The following SLC1A2 variants were observed in gnomAD, a reference collection of about 807,000 sequenced individuals.
SLC1A2 encodes solute carrier family 1 member 2.
A neutral mutation model predicts 48.8 loss-of-function variants in SLC1A2; 15 were observed. That is an observed-to-expected ratio of 0.31 (90% CI 0.21 to 0.47). The LOEUF is 0.47. Among genes scored for constraint, SLC1A2 ranks in the 20% least tolerant of loss-of-function variants. The probability of loss-of-function intolerance (pLI) is 0.99; values close to 1 mark genes in which losing one functional copy is unlikely to be tolerated. For synonymous variants in SLC1A2, 279 were observed against 272.6 expected, an observed-to-expected ratio of 1.02 and a Z score of -0.23; for missense variants, 502 against 730.5, an observed-to-expected ratio of 0.69 and a Z score of 3.61.
intron 1 of SLC1A2, among the ~76,000 whole-genome samples, chr11:35,405,914 C>T (rs1316998933): frequency 6.6e-6 from 1 of 152,216 alleles, no homozygotes; most frequent in African/African-American, 2.4e-5. Flanking sequence ...GATCTGTTGC[C>T]TCCCACACCT....
At position 35,306,261 on chromosome 11, in the gene SLC1A2, A is replaced by G; in HGVS notation, c.562-19T>C. On this transcript the variant is annotated intron_variant, in intron 4 of 10. Coordinates refer to ENST00000278379, the MANE Select transcript of SLC1A2 (RefSeq NM_004171.4). Reference sequence around the variant, plus strand: ...TTTGAATCTAACAGAGTGAGGGAAAAAAGGCATAGAGCTGAGATTTGGCCT... The same window carrying G: ...TTTGAATCTAACAGAGTGAGGGAAAGAAGGCATAGAGCTGAGATTTGGCCT... The G allele has an allele frequency of 6.2e-7, 1 of 1,605,362 alleles. No homozygotes were observed. Among genetic ancestry groups the G allele is most frequent in the Non-Finnish European group, 8.5e-7 (1 of 1,173,556 alleles).
At chr11:35,406,485 G>A (rs1232296264) in intron 1 of SLC1A2, among the ~76,000 whole-genome samples, 5 of 152,210 alleles carry the variant, frequency 3.3e-5, no homozygotes, top group Non-Finnish European at 7.4e-5. Context: ...GAGGACCAAA[G>A]CATGCTCCAG....
At chr11:35,368,114 C>T (rs7104229) in intron 1 of SLC1A2, among the ~76,000 whole-genome samples, 41,557 of 152,112 alleles carry the variant, frequency 0.27, 5,758 homozygotes, top group African/African-American at 0.3. Context: ...ATAATTTTCT[C>T]ACCCCATGAT....
intron 1 of SLC1A2, among the ~76,000 whole-genome samples, chr11:35,409,778 GC>G: frequency 6.6e-6 from 1 of 152,178 alleles, no homozygotes; most frequent in South Asian, 2.1e-4. Context: ...GCATCGTGGT[GC>G]GTACCTGTAA....
Position 35,265,179 on chromosome 11 carries a change from G to A in SLC1A2, c.1653+348C>T, listed in dbSNP as rs542860702. 6.8e-4 allele frequency: 225 copies of A among 330,530 alleles called. 1 individual carries two copies. Among genetic ancestry groups the A allele is most frequent in the African/African-American group, 4.5e-3 (212 of 46,972 alleles). 20.5% of individuals were successfully genotyped at this position (330,530 alleles called of 1,614,324 possible). On this transcript the variant is annotated intron_variant, in intron 10 of 10. Coordinates refer to ENST00000278379, the MANE Select transcript of SLC1A2 (RefSeq NM_004171.4). ...AGGATGGTCTTGATCTCCTGACCTC[G>A]TGATCTGCCCGCCTCGGCCTAGTAA...
chr11:35,326,940 A>C (rs1024522307), intron 1 of SLC1A2, among the ~76,000 whole-genome samples: 1 of 152,206 alleles, frequency 6.6e-6, no homozygotes, highest in Non-Finnish European at 1.5e-5. Flanking sequence ...CCCCCAAAAT[A>C]GAATTGTCTG....
At chr11:35,324,752 A>G (rs1316287537) in intron 1 of SLC1A2, among the ~76,000 whole-genome samples, 1 of 152,242 alleles carries the variant, frequency 6.6e-6, no homozygotes, top group East Asian at 1.9e-4. Context: ...CAGGAGTACA[A>G]CCTTAAGGAT....
In SLC1A2 at chr11:35,306,173, C is replaced by T; in HGVS notation, c.631G>A (p.Val211Ile). The T allele has an allele frequency of 6.2e-7, 1 of 1,614,024 alleles. No homozygotes were observed. Among genetic ancestry groups the T allele is most frequent in the Non-Finnish European group, 8.5e-7 (1 of 1,179,938 alleles). ...ACAGTCTCGTTCAACAGAGAGACAA[C>T]AGCGCTGGTTGCGTTGGCCTCCTCG... The part of the protein sequence containing the change: ...PDEEANATSA[V>I]VSLLNETVTE... The change falls in exon 5 of 11, where the codon GTT becomes ATT. Residue 211 changes from valine (V) to isoleucine (I), a missense_variant. Physicochemically the swap from Val to Ile is conservative, Grantham distance 29. This residue lies in a region of SLC1A2 where 309 missense variants were observed against 480.3 expected (regional missense o/e 0.64). Coordinates refer to ENST00000278379, the MANE Select transcript of SLC1A2 (RefSeq NM_004171.4).
chr11:35,340,465 G>A (rs1590206022), intron 1 of SLC1A2, among the ~76,000 whole-genome samples: 1 of 152,338 alleles, frequency 6.6e-6, no homozygotes. Flanking sequence ...ACATGAAACA[G>A]AGCTGTCCTG....
At chr11:35,292,265 G>C in intron 7 of SLC1A2, 22 bp downstream of exon 7, 1 of 1,534,622 alleles carries the variant, frequency 6.5e-7, no homozygotes, top group South Asian at 1.1e-5. Flanking sequence ...CAAAGAGAAA[G>C]GTGATTTCTT....
Position 35,419,159 on chromosome 11 carries a change from C to G in SLC1A2, c.-193G>C. The G allele has an allele frequency of 2.1e-6, 1 of 482,726 alleles. No individual in the cohort carries two copies. Among genetic ancestry groups the G allele is most frequent in the East Asian group, 3.5e-5 (1 of 28,230 alleles). The allele number at this position is 482,726 out of a possible 1,614,324, so 29.9% of individuals were successfully genotyped here. ...GCAGGAGGCTCCTGCGGGCGCTAAT[C>G]CGCGTCCCGGCTCTCCACGGCGCGC... is the stretch of plus-strand genomic sequence containing the variant. On this transcript the variant is annotated 5_prime_UTR_variant, in exon 1 of 11. Transcript: ENST00000278379. This position sits in a 1 kb window ranked among gnomAD's most constrained non-coding sequence, Gnocchi z 5.4.
chr11:35,327,628 G>A (rs1294371152), intron 1 of SLC1A2, among the ~76,000 whole-genome samples: 2 of 152,132 alleles, frequency 1.3e-5, no homozygotes, highest in Non-Finnish European at 2.9e-5. Flanking sequence ...TCTTTCAATC[G>A]TAAATAATAA....
intron 7 of SLC1A2, chr11:35,291,939 T>C: frequency 4.9e-6 from 1 of 206,068 alleles, no homozygotes; most frequent in African/African-American, 2.3e-5. Flanking sequence ...AGGTGAAATG[T>C]TTATTGAAAA....
intron 1 of SLC1A2, among the ~76,000 whole-genome samples, chr11:35,362,796 A>T (rs928469368): frequency 6.6e-6 from 1 of 152,200 alleles, no homozygotes; most frequent in African/African-American, 2.4e-5. Context: ...CTGGATTTTC[A>T]GGTCTCATGT....
chr11:35,356,740 A>G (rs887921847), intron 1 of SLC1A2, among the ~76,000 whole-genome samples: 7 of 152,256 alleles, frequency 4.6e-5, no homozygotes, highest in African/African-American at 1.4e-4. Context: ...TAGAGAGAAT[A>G]TTAAGAAAAA....
chr11:35,347,053 AACT>A, intron 1 of SLC1A2, among the ~76,000 whole-genome samples: 1 of 152,394 alleles, frequency 6.6e-6, no homozygotes, highest in African/African-American at 2.4e-5. Flanking sequence ...TTTGACAGTT[AACT>A]ACTTTAAAAA....
At chr11:35,379,628 G>C (rs1328932422) in intron 1 of SLC1A2, among the ~76,000 whole-genome samples, 1 of 152,204 alleles carries the variant, frequency 6.6e-6, no homozygotes, top group East Asian at 1.9e-4. Context: ...GCCTTTCCCA[G>C]TGAAAAGCAT....
At chr11:35,398,772 C>T (rs1016550153) in intron 1 of SLC1A2, among the ~76,000 whole-genome samples, 2 of 152,178 alleles carry the variant, frequency 1.3e-5, no homozygotes, top group African/African-American at 4.8e-5. Flanking sequence ...ACAAAGCCTA[C>T]AGCAACAGCA....
intron 1 of SLC1A2, among the ~76,000 whole-genome samples, chr11:35,357,700 T>TA (rs1853530192): frequency 1.3e-5 from 2 of 152,186 alleles, no homozygotes; most frequent in African/African-American, 4.8e-5. Context: ...TATGGCAACC[T>TA]ACTGCATGTA....
Sources: allele counts gnomAD v4.1 joint callset (sites outside exome capture counted in the v4.1 genomes callset), GRCh38; gene constraint gnomAD v4.1.1; regional missense constraint gnomAD v4.1.1; non-coding constraint Gnocchi (gnomAD v3.1); transcripts MANE v1.5; gene names NCBI Gene and HGNC (gene_info 2026-07-23, HGNC 2026-07-21).